The following MAP3K13 variants were observed in gnomAD, a reference collection of about 807,000 sequenced individuals.
MAP3K13 encodes mitogen-activated protein kinase kinase kinase 13, also known as leucine zipper-bearing kinase.
MAP3K13 carries 52 observed loss-of-function variants against 104.0 expected under a neutral mutation model. That is an observed-to-expected ratio of 0.50 (90% CI 0.40 to 0.63). MAP3K13 has a LOEUF of 0.63. Among genes scored for constraint, MAP3K13 ranks in the 20% least tolerant of loss-of-function variants. MAP3K13 has a pLI of 0.00. For missense variants in MAP3K13, 914 were observed against 1,218.5 expected (o/e 0.75, Z 3.72); for synonymous variants, 394 against 442.2 (o/e 0.89, Z 1.37).
At chr3:185,371,480 T>C (rs1006996540) in intron 1 of MAP3K13, among the ~76,000 whole-genome samples, 24 of 152,258 alleles carry the variant, frequency 1.6e-4, no homozygotes, top group African/African-American at 5.5e-4. Context: ...AACATCCTGC[T>C]GACAGATGGT....
chr3:185,313,124 G>A (rs1374916623), intron 2 of MAP3K13, among the ~76,000 whole-genome samples: 2 of 151,564 alleles, frequency 1.3e-5, no homozygotes, highest in African/African-American at 2.4e-5. Context: ...AGGAGGTGGA[G>A]GTTGCAGTGA....
At chr3:185,378,316 T>C (rs551368339) in intron 1 of MAP3K13, among the ~76,000 whole-genome samples, 6 of 152,178 alleles carry the variant, frequency 3.9e-5, no homozygotes, top group Non-Finnish European at 8.8e-5. Context: ...ATAAAGCATC[T>C]CAGGGTTGCT....
intron 2 of MAP3K13, among the ~76,000 whole-genome samples, chr3:185,326,756 G>A (rs1722054152): frequency 6.6e-6 from 1 of 152,088 alleles, no homozygotes; most frequent in South Asian, 2.1e-4. Context: ...TTGGTTTAAT[G>A]TAGCTCATGG....
At chr3:185,296,662 C>CCCCAGTGTTGAGAACAGTGACTGACA (rs1475067362) in intron 2 of MAP3K13, among the ~76,000 whole-genome samples, 3 of 152,128 alleles carry the variant, frequency 2.0e-5, no homozygotes, top group Non-Finnish European at 4.4e-5. Context: ...TAGGTATTTT[C>CCCCAGTGTTGAGAACAGTGACTGACA]CCCAGTGTTG....
intron 2 of MAP3K13, among the ~76,000 whole-genome samples, chr3:185,333,718 A>T (rs1198037743): frequency 6.6e-6 from 1 of 152,138 alleles, no homozygotes; most frequent in African/African-American, 2.4e-5. Flanking sequence ...ACATAGCAAG[A>T]CTTCATATCC....
intron 2 of MAP3K13, among the ~76,000 whole-genome samples, chr3:185,288,184 A>G (rs1025687278): frequency 4.6e-5 from 7 of 152,204 alleles, no homozygotes; most frequent in Non-Finnish European, 1.0e-4. Context: ...AATTGAATCC[A>G]AGGACAGATT....
intron 1 of MAP3K13, among the ~76,000 whole-genome samples, chr3:185,364,034 G>A (rs146163674): frequency 6.6e-6 from 1 of 152,240 alleles, no homozygotes; most frequent in East Asian, 1.9e-4. Flanking sequence ...CCTTAAACTT[G>A]GGTTTTTCAA....
At chr3:185,345,040 G>A (rs1217345451) in intron 2 of MAP3K13, among the ~76,000 whole-genome samples, 1 of 151,766 alleles carries the variant, frequency 6.6e-6, no homozygotes, top group East Asian at 1.9e-4. Flanking sequence ...TTTTTGTATT[G>A]TTAGTAAAGA....
intron 2 of MAP3K13, among the ~76,000 whole-genome samples, chr3:185,334,312 A>G (rs1261667771): frequency 6.6e-6 from 1 of 152,234 alleles, no homozygotes; most frequent in Non-Finnish European, 1.5e-5. Flanking sequence ...TTGACAAGCT[A>G]TTTCTAAATT....
chr3:185,458,823 C>T (rs992017567), intron 7 of MAP3K13, among the ~76,000 whole-genome samples: 3 of 152,218 alleles, frequency 2.0e-5, no homozygotes, highest in Non-Finnish European at 2.9e-5. Context: ...TTTTCGTCAA[C>T]AGCACATGTA....
chr3:185,446,806 T>C (rs1715618062), intron 4 of MAP3K13, among the ~76,000 whole-genome samples: 1 of 152,232 alleles, frequency 6.6e-6, no homozygotes, highest in South Asian at 2.1e-4. Context: ...AAGTACTCTT[T>C]TTAGTGGCCT....
intron 2 of MAP3K13, among the ~76,000 whole-genome samples, chr3:185,354,880 T>C (rs1485669406): frequency 6.6e-6 from 1 of 152,268 alleles, no homozygotes; most frequent in East Asian, 1.9e-4. Context: ...CATTGGATGA[T>C]GAAAAACAGG....
intron 4 of MAP3K13, among the ~76,000 whole-genome samples, chr3:185,446,201 C>T (rs1354026876): frequency 6.6e-6 from 1 of 151,632 alleles, no homozygotes; most frequent in Non-Finnish European, 1.5e-5. Flanking sequence ...GAGTCAGATG[C>T]TTTCTGCCTT....
rs565053950 is a variant in MAP3K13 at position 185,297,064 on chromosome 3, G to T, written c.-86+11421G>T. On this transcript the variant is annotated intron_variant, in intron 2 of 14. Transcript: ENST00000424227. ...ATCAAGAATTTGTTCTCTGGCACAGGTCACAGATATTTGAGTCTTACATAG... is the reference window on the plus strand; with the variant it reads ...ATCAAGAATTTGTTCTCTGGCACAGTTCACAGATATTTGAGTCTTACATAG... Among the ~76,000 whole-genome samples, 7 of 152,260 alleles carry T rather than the reference G, an allele frequency of 4.6e-5. 1 individual carries two copies. The highest frequency in any genetic ancestry group is 1.7e-4 in the African/African-American group (7 of 41,546).
intron 2 of MAP3K13, among the ~76,000 whole-genome samples, chr3:185,338,657 TA>T (rs1453825818): frequency 3.3e-5 from 5 of 152,230 alleles, no homozygotes; most frequent in Non-Finnish European, 7.3e-5. Context: ...TCAATTTTGA[TA>T]TTTTTTATTT....
At position 185,469,097 on chromosome 3, in the gene MAP3K13, C is replaced by T. The variant is rs139126713; in HGVS notation, c.1643+2134C>T. On this transcript the variant is annotated intron_variant, in intron 10 of 13. Transcript: ENST00000265026. ...AGCTGATTGTCCCTTGAAGGACTTCCGTTTCAGATGATTTGGACAGTCCAA... is the reference window on the plus strand; with the variant it reads ...AGCTGATTGTCCCTTGAAGGACTTCTGTTTCAGATGATTTGGACAGTCCAA... Among the ~76,000 whole-genome samples, 465 of 152,240 alleles carry T rather than the reference C, an allele frequency of 3.1e-3. 5 individuals are homozygous for T. Among genetic ancestry groups the T allele is most frequent in the African/African-American group, 0.01 (430 of 41,548 alleles).
intron 1 of MAP3K13, among the ~76,000 whole-genome samples, chr3:185,370,740 T>C (rs1474160256): frequency 1.4e-4 from 4 of 27,708 alleles, no homozygotes; most frequent in Non-Finnish European, 2.8e-4. Flanking sequence ...TTCTCTGTAG[T>C]CAAAAAAAAA....
At chr3:185,357,405 GC>G (rs1723407063) in intron 2 of MAP3K13, among the ~76,000 whole-genome samples, 1 of 139,302 alleles carries the variant, frequency 7.2e-6, no homozygotes. Flanking sequence ...CCAAGATCGC[GC>G]CATTGCACTC....
At position 185,450,812 on chromosome 3, in the gene MAP3K13, G is replaced by A. The variant is rs1201372529; in HGVS notation, c.1170-475G>A. Among the ~76,000 whole-genome samples, 6 of 151,420 alleles carry A rather than the reference G, an allele frequency of 4.0e-5. No homozygotes were observed. The highest frequency in any genetic ancestry group is 7.4e-5 in the Non-Finnish European group (5 of 67,822). On this transcript the variant is annotated intron_variant, in intron 6 of 13. Coordinates refer to ENST00000265026, the MANE Select transcript of MAP3K13 (RefSeq NM_004721.5). This position sits in a 1 kb window ranked among gnomAD's most constrained non-coding sequence, Gnocchi z 4.2. Reference sequence around the variant, plus strand: ...TAAATTTAAAGAAATGTTAAGGGCCGGGTACGGTGGCTCACGCCTGTAATC... The same window carrying A: ...TAAATTTAAAGAAATGTTAAGGGCCAGGTACGGTGGCTCACGCCTGTAATC...
Sources: allele counts gnomAD v4.1 joint callset (sites outside exome capture counted in the v4.1 genomes callset), GRCh38; gene constraint gnomAD v4.1.1; non-coding constraint Gnocchi (gnomAD v3.1); transcripts MANE v1.5; gene names NCBI Gene and HGNC (gene_info 2026-07-23, HGNC 2026-07-21).